NTNG1: variants seen among roughly 807,000 people sequenced by gnomAD.
The protein encoded by NTNG1 is netrin G1, also known as netrin-G1.
A neutral mutation model predicts 54.0 loss-of-function variants in NTNG1; 16 were observed. That is an observed-to-expected ratio of 0.30 (90% CI 0.20 to 0.45). The LOEUF is 0.45. Ranked by LOEUF, NTNG1 falls within the 20% of genes least tolerant of loss-of-function variation. The pLI is 1.00. For synonymous variants in NTNG1, 255 were observed against 263.1 expected, an observed-to-expected ratio of 0.97 and a Z score of 0.30; for missense variants, 530 against 678.7, an observed-to-expected ratio of 0.78 and a Z score of 2.43.
At chr1:107,336,851 T>C (rs1668609021) in intron 3 of NTNG1, among the ~76,000 whole-genome samples, 1 of 151,848 alleles carries the variant, frequency 6.6e-6, no homozygotes, top group African/African-American at 2.4e-5. Flanking sequence ...ATAAAAATGG[T>C]CAATAAACAT....
intron 3 of NTNG1, among the ~76,000 whole-genome samples, chr1:107,357,730 A>C (rs933103968): frequency 6.6e-6 from 1 of 152,218 alleles, no homozygotes; most frequent in African/African-American, 2.4e-5. Flanking sequence ...ATATTTAACA[A>C]TTCGTTTTTC....
intron 2 of NTNG1, among the ~76,000 whole-genome samples, chr1:107,262,828 G>T (rs1161670690): frequency 6.6e-6 from 1 of 152,194 alleles, no homozygotes; most frequent in African/African-American, 2.4e-5. Context: ...TTCATAATCT[G>T]TTGGTTACCC....
intron 2 of NTNG1, among the ~76,000 whole-genome samples, chr1:107,203,657 TTA>T (rs1658936144): frequency 6.6e-6 from 1 of 151,468 alleles, no homozygotes; most frequent in Admixed American, 6.6e-5. Context: ...AAGTATTGTT[TTA>T]TGTTTGGTTT....
In NTNG1 at chr1:107,245,355, T is replaced by C. The variant is rs976163361; in HGVS notation, c.247-78927T>C. ...CTGCAGTTTACGTAAGTGTAAGTATTTTTCTCATTCTGGTAAATAGGCATT... is the reference window on the plus strand; with the variant it reads ...CTGCAGTTTACGTAAGTGTAAGTATCTTTCTCATTCTGGTAAATAGGCATT... On this transcript the variant is annotated intron_variant, in intron 2 of 7. Coordinates refer to ENST00000370068, the MANE Select transcript of NTNG1 (RefSeq NM_001113226.3). 5.3e-5 allele frequency among the ~76,000 whole-genome samples: 8 copies of C among 152,312 alleles called. No homozygotes were observed. The East Asian group carries it at 9.6e-4, about 18-fold the overall frequency.
intron 2 of NTNG1, among the ~76,000 whole-genome samples, chr1:107,217,122 G>T (rs1161268627): frequency 1.4e-5 from 2 of 147,750 alleles, no homozygotes; most frequent in African/African-American, 5.0e-5. Context: ...TTAATCTGCT[G>T]CTTGTTATTG....
intron 4 of NTNG1, among the ~76,000 whole-genome samples, chr1:107,402,288 C>T (rs1034685423): frequency 5.3e-5 from 8 of 152,120 alleles, no homozygotes; most frequent in Non-Finnish European, 1.2e-4. Flanking sequence ...AACATCCTGA[C>T]CCATCCATCC....
At position 107,324,408 on chromosome 1, in the gene NTNG1, G is replaced by A. The variant is rs995369915; in HGVS notation, c.373G>A (p.Glu125Lys). The change falls in exon 3 of 8, where the codon GAG becomes AAG. Residue 125 changes from glutamate to lysine, a missense_variant. Around this residue, in one of 2 missense-constraint regions of NTNG1, gnomAD observed 318 missense variants for 465.1 expected, o/e 0.68. Transcript: ENST00000370068. ...STFWQSATWK[E>K]YPKPLQVNIT... ...ATTTTGGCAGTCTGCCACTTGGAAG[G>A]AGTATCCCAAGCCTCTCCAGGTTAA... The A allele has an allele frequency of 4.3e-6, 7 of 1,613,690 alleles. No individual in the cohort carries two copies. The highest frequency in any genetic ancestry group is 1.6e-4 in the Middle Eastern group (1 of 6,082).
chr1:107,404,081 TTATA>T (rs5776886), intron 4 of NTNG1, among the ~76,000 whole-genome samples: 169 of 145,278 alleles, frequency 1.2e-3, no homozygotes, highest in South Asian at 1.7e-3. Context: ...CCTTCTTAAT[TTATA>T]TATATATATA....
At chr1:107,224,154 A>G (rs74893948) in intron 2 of NTNG1, among the ~76,000 whole-genome samples, 1,748 of 152,242 alleles carry the variant, frequency 0.011, 19 homozygotes, top group Non-Finnish European at 0.018. Context: ...AAACAAAAAC[A>G]CCATGCAAGA....
chr1:107,229,215 ATTGCAGGGCAATCAATCT>A (rs1274106040), intron 2 of NTNG1, among the ~76,000 whole-genome samples: 1 of 151,478 alleles, frequency 6.6e-6, no homozygotes, highest in Non-Finnish European at 1.5e-5. Context: ...TTAATAACTG[ATTGCAGGGCAATCAATCT>A]TTGCTCAATA....
At chr1:107,409,394 T>C (rs1270502435) in intron 5 of NTNG1, 1 of 152,188 alleles carries the variant, frequency 6.6e-6, no homozygotes, top group Non-Finnish European at 1.5e-5. Flanking sequence ...CTGTTTGGAG[T>C]GTCAGTTGTA....
intron 3 of NTNG1, among the ~76,000 whole-genome samples, chr1:107,354,310 A>T (rs1029963927): frequency 1.3e-5 from 2 of 151,740 alleles, no homozygotes; most frequent in African/African-American, 2.4e-5. Flanking sequence ...CTCTACTAAA[A>T]ATACAAAAAT....
At chr1:107,422,805 CA>C (rs200550711) in intron 5 of NTNG1, among the ~76,000 whole-genome samples, 2 of 149,496 alleles carry the variant, frequency 1.3e-5, no homozygotes, top group Admixed American at 1.3e-4. Flanking sequence ...CTCATTTGGC[CA>C]AAAAAAAATC....
chr1:107,350,078 T>C (rs1201375755), intron 3 of NTNG1, among the ~76,000 whole-genome samples: 1 of 152,192 alleles, frequency 6.6e-6, no homozygotes, highest in Admixed American at 6.5e-5. Flanking sequence ...TTCAAACTTA[T>C]TAATTTTTTT....
intron 1 of NTNG1, among the ~76,000 whole-genome samples, chr1:107,146,476 A>C (rs960561096): frequency 1.3e-5 from 2 of 152,052 alleles, no homozygotes; most frequent in African/African-American, 4.8e-5. Flanking sequence ...GAATCTGAAA[A>C]AAAGCAGAAG....
At chr1:107,155,432 A>C (rs578065810) in intron 2 of NTNG1, among the ~76,000 whole-genome samples, 34 of 151,910 alleles carry the variant, frequency 2.2e-4, no homozygotes, top group East Asian at 9.7e-4. Context: ...CTCTCTCTCT[A>C]TCTCTATCTC....
At chr1:107,367,768 G>C (rs1019008053) in intron 3 of NTNG1, among the ~76,000 whole-genome samples, 10 of 151,582 alleles carry the variant, frequency 6.6e-5, no homozygotes, top group African/African-American at 2.2e-4. Context: ...TTTTTTGGGG[G>C]TATTTTTTTG....
intron 3 of NTNG1, among the ~76,000 whole-genome samples, chr1:107,346,580 C>G (rs1367644599): frequency 2.0e-5 from 3 of 152,076 alleles, no homozygotes; most frequent in Admixed American, 2.0e-4. Flanking sequence ...TTTTAAAAAA[C>G]TCCTCAGAGA....
chr1:107,165,611 C>T (rs1164004443), intron 2 of NTNG1, among the ~76,000 whole-genome samples: 2 of 152,098 alleles, frequency 1.3e-5, no homozygotes, highest in Admixed American at 6.6e-5. Context: ...TCTATTGTAT[C>T]CCTGGCAATT....
Sources: allele counts gnomAD v4.1 joint callset (sites outside exome capture counted in the v4.1 genomes callset), GRCh38; gene constraint gnomAD v4.1.1; regional missense constraint gnomAD v4.1.1; transcripts MANE v1.5; gene names NCBI Gene and HGNC (gene_info 2026-07-23, HGNC 2026-07-21).